MPRIP: variants seen among roughly 807,000 people sequenced by gnomAD.
MPRIP encodes the protein myosin phosphatase Rho interacting protein.
MPRIP carries 59 observed loss-of-function variants against 234.9 expected under a neutral mutation model. That is an observed-to-expected ratio of 0.25 (90% CI 0.20 to 0.31). The LOEUF is 0.31. Among genes scored for constraint, MPRIP ranks in the 10% least tolerant of loss-of-function variants. MPRIP has a pLI of 1.00. For missense variants in MPRIP, 2,436 were observed against 3,071.0 expected, an observed-to-expected ratio of 0.79 and a Z score of 4.89; for synonymous variants, 1,144 against 1,263.9, an observed-to-expected ratio of 0.91 and a Z score of 2.01.
intron 3 of MPRIP, among the ~76,000 whole-genome samples, chr17:17,080,960 G>T (rs1298330704): frequency 1.3e-5 from 2 of 152,056 alleles, no homozygotes; most frequent in African/African-American, 2.4e-5. Context: ...GCTTGTGTGT[G>T]TGTGTACCAG....
intron 17 of MPRIP, 35 bp downstream of exon 17, chr17:17,171,900 G>A (rs2046145270): frequency 1.3e-6 from 2 of 1,586,404 alleles, no homozygotes; most frequent in Admixed American, 3.8e-5. Flanking sequence ...GGCAGGGTGG[G>A]TGGCCAGCTT....
At chr17:17,183,662 G>T (rs148266180) in intron 23 of MPRIP, among the ~76,000 whole-genome samples, 61 of 151,918 alleles carry the variant, frequency 4.0e-4, no homozygotes, top group African/African-American at 1.4e-3. Flanking sequence ...GGGGACAGTG[G>T]AGCTCCCCCT....
intron 9 of MPRIP, among the ~76,000 whole-genome samples, chr17:17,144,603 A>G (rs2045415581): frequency 6.6e-6 from 1 of 152,146 alleles, no homozygotes; most frequent in Non-Finnish European, 1.5e-5. Flanking sequence ...CACGTCTGTA[A>G]TCCAAGCACT....
intron 23 of MPRIP, among the ~76,000 whole-genome samples, chr17:17,181,167 A>G (rs1206255213): frequency 1.3e-5 from 2 of 152,072 alleles, no homozygotes; most frequent in Non-Finnish European, 2.9e-5. Context: ...GATAACTACA[A>G]GCAATAGGGG....
At chr17:17,157,621 G>A (rs538188068) in intron 13 of MPRIP, among the ~76,000 whole-genome samples, 3 of 152,176 alleles carry the variant, frequency 2.0e-5, no homozygotes, top group Non-Finnish European at 4.4e-5. Flanking sequence ...CTGAGGTCAG[G>A]AGTTTGAGAC....
At chr17:17,056,683 A>G (rs7216176) in intron 1 of MPRIP, among the ~76,000 whole-genome samples, 2,426 of 152,066 alleles carry the variant, frequency 0.016, 62 homozygotes, top group African/African-American at 0.055. Flanking sequence ...ATTCCATTGC[A>G]TTTAGCCTAC....
rs117803938 is a variant in MPRIP at position 17,112,997 on chromosome 17, T to C, written c.268-13705T>C. On this transcript the variant is annotated intron_variant, in intron 3 of 23. Coordinates refer to ENST00000651222, the MANE Select transcript of MPRIP (RefSeq NM_001364716.4). The stretch of plus-strand genomic sequence containing the variant: ...GTCCTCCGAGCTCAGACAGCTGGGA[T>C]GGAACTTGGGGTCTCACTAGCTCCC... Among the ~76,000 whole-genome samples, 303 of 152,326 alleles carry C rather than the reference T, an allele frequency of 2.0e-3. 6 individuals carry two copies. In the East Asian group the frequency reaches 0.048, roughly 24 times the overall value.
At chr17:17,110,202 C>G (rs2090143251) in intron 3 of MPRIP, among the ~76,000 whole-genome samples, 1 of 152,144 alleles carries the variant, frequency 6.6e-6, no homozygotes. Context: ...TCTGCACACA[C>G]CAGCGCCCAT....
In MPRIP at chr17:17,185,323, T is replaced by A; in HGVS notation, c.*429T>A. The A allele has an allele frequency of 2.8e-6, 1 of 358,740 alleles. No individual in the cohort carries two copies. The highest frequency in any genetic ancestry group is 2.1e-5 in the South Asian group (1 of 47,680). The allele number at this position is 358,740 out of a possible 1,614,324, so 22.2% of individuals were successfully genotyped here. ...TCCCCACTGGTCAGAGAAAAAGCTA[T>A]GCGGACACTCCAGCTTGGCCTGGGT... On this transcript the variant is annotated 3_prime_UTR_variant, in exon 24 of 24. Transcript: ENST00000651222.
At chr17:17,099,570 T>G (rs1355581511) in intron 3 of MPRIP, among the ~76,000 whole-genome samples, 3 of 151,964 alleles carry the variant, frequency 2.0e-5, no homozygotes, top group Non-Finnish European at 2.9e-5. Flanking sequence ...CTACAAAAAT[T>G]TTGAAAATTA....
intron 16 of MPRIP, chr17:17,169,024 C>T (rs1454584004): frequency 4.4e-6 from 2 of 456,768 alleles, no homozygotes; most frequent in African/African-American, 2.0e-5. Flanking sequence ...CGGCCCCACC[C>T]AGACACACAG....
chr17:17,158,438 G>A lies in MPRIP; in HGVS notation c.1836G>A (p.Leu612=). Residue 612 remains leucine (L), a synonymous_variant, in exon 14 of 24, where the codon TTG becomes TTA. Transcript: ENST00000651222. ...PTTAPDVTSS[L]PEEKNKSSCS... is the part of the protein sequence containing the mutation. ...CCATCCTCCTGCCCCACAGCTCGTT[G>A]CCAGAGGAAAAAAACAAGAGCAGCT... The A allele has an allele frequency of 6.4e-7, 1 of 1,563,958 alleles. No individual in the cohort carries two copies. Among genetic ancestry groups the A allele is most frequent in the Non-Finnish European group, 8.7e-7 (1 of 1,154,970 alleles).
chr17:17,122,321 GT>G (rs2090405031), intron 3 of MPRIP, among the ~76,000 whole-genome samples: 2 of 152,056 alleles, frequency 1.3e-5, no homozygotes, highest in South Asian at 2.1e-4. Context: ...GCTGTTTTTT[GT>G]TTTCATTTTG....
intron 1 of MPRIP, among the ~76,000 whole-genome samples, chr17:17,065,007 A>G (rs2088978790): frequency 6.6e-6 from 1 of 152,074 alleles, no homozygotes; most frequent in South Asian, 2.1e-4. Flanking sequence ...TGTTGTCACC[A>G]TTTGTTTTTT....
Position 17,143,611 on chromosome 17 carries a change from T to G in MPRIP, c.1445T>G (p.Leu482Arg). ...CTCCCAGACGCCTCGGCTTCCCCCC[T>G]GTCTCCACACCGAAGAGCCAAGTCA... ...APLPDASASP[L>R]SPHRRAKSLD... The change falls in exon 9 of 24, where the codon CTG becomes CGG. Residue 482 changes from leucine to arginine, a missense_variant. Physicochemically the swap from Leu to Arg is moderately radical, Grantham distance 102. This residue lies in a region of MPRIP where 267 missense variants were observed against 252.7 expected (regional missense o/e 1.06). Transcript: ENST00000651222. 1.9e-6 allele frequency: 3 copies of G among 1,605,706 alleles called. No individual in the cohort carries two copies. The highest frequency in any genetic ancestry group is 2.5e-6 in the Non-Finnish European group (3 of 1,176,486).
intron 1 of MPRIP, among the ~76,000 whole-genome samples, chr17:17,066,619 A>T (rs1001687600): frequency 4.6e-5 from 7 of 151,898 alleles, no homozygotes; most frequent in African/African-American, 1.5e-4. Flanking sequence ...GGATTCCTCA[A>T]ACCACGGATA....
chr17:17,176,990 G>A (rs2046268869), intron 21 of MPRIP, among the ~76,000 whole-genome samples: 1 of 152,220 alleles, frequency 6.6e-6, no homozygotes, highest in Non-Finnish European at 1.5e-5. Flanking sequence ...AGGCTGGTCG[G>A]GCAATCCCGG....
intron 15 of MPRIP, among the ~76,000 whole-genome samples, chr17:17,163,125 T>C (rs990242650): frequency 6.6e-6 from 1 of 152,188 alleles, no homozygotes; most frequent in Non-Finnish European, 1.5e-5. Context: ...GTCTGTGGGG[T>C]TAAGGGTCAG....
intron 3 of MPRIP, among the ~76,000 whole-genome samples, chr17:17,112,278 C>G (rs892687180): frequency 2.6e-5 from 4 of 152,156 alleles, no homozygotes; most frequent in Admixed American, 2.0e-4. Context: ...GGACAAGTCT[C>G]GAGCCTTGTG....
Sources: allele counts gnomAD v4.1 joint callset (sites outside exome capture counted in the v4.1 genomes callset), GRCh38; gene constraint gnomAD v4.1.1; regional missense constraint gnomAD v4.1.1; transcripts MANE v1.5; gene names NCBI Gene and HGNC (gene_info 2026-07-23, HGNC 2026-07-21).